The following SCLT1 variants were observed in gnomAD, a reference collection of about 807,000 sequenced individuals.
SCLT1 encodes sodium channel-associated protein 1.
SCLT1 carries 78 observed loss-of-function variants against 112.8 expected under a neutral mutation model. That is an observed-to-expected ratio of 0.69 (90% CI 0.58 to 0.83). The LOEUF (loss-of-function observed/expected upper bound fraction) is 0.83, where lower values mean the gene tolerates loss of function less well. Ranked by LOEUF, SCLT1 falls within the 40% of genes least tolerant of loss-of-function variation. SCLT1 has a pLI of 0.00. For missense variants in SCLT1, 747 were observed against 770.4 expected (o/e 0.97, Z 0.36); for synonymous variants, 257 against 254.7 (o/e 1.01, Z -0.09).
At chr4:128,928,118 C>T (rs919192419) in intron 18 of SCLT1, among the ~76,000 whole-genome samples, 29 of 151,824 alleles carry the variant, frequency 1.9e-4, no homozygotes, top group Non-Finnish European at 2.9e-5. Context: ...AAAAACACTC[C>T]TACAAAAACC....
intron 13 of SCLT1, among the ~76,000 whole-genome samples, chr4:128,953,597 A>G (rs527650784): frequency 6.6e-6 from 1 of 152,184 alleles, no homozygotes; most frequent in East Asian, 1.9e-4. Context: ...GACCGAGACC[A>G]TTCTGGCTAA....
chr4:128,948,952 T>C (rs973203626), intron 14 of SCLT1, among the ~76,000 whole-genome samples: 6 of 152,134 alleles, frequency 3.9e-5, no homozygotes, highest in Middle Eastern at 3.2e-3. Context: ...GCCTAAAGGA[T>C]ATGTGGGTGT....
intron 2 of SCLT1, among the ~76,000 whole-genome samples, chr4:129,078,995 C>T (rs1396647294): frequency 6.6e-6 from 1 of 152,036 alleles, no homozygotes; most frequent in Non-Finnish European, 1.5e-5. Context: ...GAGGTACTAC[C>T]CATTTATAAG....
At chr4:128,957,842 G>T (rs1329898151) in intron 12 of SCLT1, among the ~76,000 whole-genome samples, 3 of 151,878 alleles carry the variant, frequency 2.0e-5, no homozygotes, top group Admixed American at 2.0e-4. Context: ...TCTCCTTGTT[G>T]TACTTTCTGC....
chr4:128,888,845 CG>C, intron 19 of SCLT1, 71 bp from the exon 20 acceptor site: 2 of 858,668 alleles, frequency 2.3e-6, no homozygotes, highest in Non-Finnish European at 3.7e-6. Context: ...GAATAATCAA[CG>C]AAAAATCTGG....
chr4:128,984,498 C>T (rs1000722449), intron 9 of SCLT1, among the ~76,000 whole-genome samples: 1 of 152,116 alleles, frequency 6.6e-6, no homozygotes, highest in Admixed American at 6.5e-5. Context: ...TACCTTCTAG[C>T]AATAAAATTT....
In SCLT1 at chr4:128,965,081, C is replaced by T. The variant is rs962270353; in HGVS notation, c.869+146G>A. ...GAATATAGTTTTTAATAAACAATGTCGATTAAATCAGATTTTACACCTATG... is the reference window on the plus strand; with the variant it reads ...GAATATAGTTTTTAATAAACAATGTTGATTAAATCAGATTTTACACCTATG... On this transcript the variant is annotated intron_variant, in intron 11 of 20. Transcript: ENST00000281142. The T allele has an allele frequency of 6.3e-5, 34 of 538,380 alleles. No homozygotes were observed. In the South Asian group the frequency reaches 9.2e-4, roughly 15 times the overall value. 33.4% of individuals were successfully genotyped at this position (538,380 alleles called of 1,614,324 possible).
chr4:129,059,198 C>A (rs1749728675), intron 2 of SCLT1, among the ~76,000 whole-genome samples: 1 of 152,122 alleles, frequency 6.6e-6, no homozygotes, highest in Non-Finnish European at 1.5e-5. Flanking sequence ...TTGTTGTAGG[C>A]AGCATATAAC....
downstream of SCLT1, among the ~76,000 whole-genome samples, chr4:128,879,009 A>C (rs1265054573): frequency 2.0e-5 from 3 of 152,100 alleles, no homozygotes; most frequent in Non-Finnish European, 2.9e-5. Flanking sequence ...GGATAGCATC[A>C]GGAGATATAA....
intron 5 of SCLT1, among the ~76,000 whole-genome samples, chr4:129,025,447 C>T (rs1241524698): frequency 6.6e-6 from 1 of 152,096 alleles, no homozygotes; most frequent in Non-Finnish European, 1.5e-5. Flanking sequence ...TCCAGCCAAA[C>T]TAAGCTTCAT....
chr4:129,057,350 T>C (rs940216640), intron 2 of SCLT1, among the ~76,000 whole-genome samples: 1 of 152,028 alleles, frequency 6.6e-6, no homozygotes, highest in Admixed American at 6.6e-5. Context: ...TGGGATACAT[T>C]TGGAAGAATC....
At chr4:129,077,266 T>C (rs1397443823) in intron 2 of SCLT1, among the ~76,000 whole-genome samples, 1 of 152,252 alleles carries the variant, frequency 6.6e-6, no homozygotes, top group Non-Finnish European at 1.5e-5. Context: ...CAGCTTAAAA[T>C]ACAAGAAATA....
Position 128,977,526 on chromosome 4 carries a change from T to C in SCLT1, c.687-7058A>G, listed in dbSNP as rs535494186. Among the ~76,000 whole-genome samples the C allele has an allele frequency of 2.6e-5, 4 of 152,154 alleles. No individual in the cohort carries two copies. In the South Asian group the frequency reaches 6.2e-4, roughly 24 times the overall value. On this transcript the variant is annotated intron_variant, in intron 9 of 20. Transcript: ENST00000281142. ...ATCAGGTAATTAAAGAAAGTGACAA[T>C]GTTACAAAGAAGATGATACAGGGAA... is the stretch of plus-strand genomic sequence containing the variant.
chr4:129,061,171 T>C (rs907090553), intron 2 of SCLT1, among the ~76,000 whole-genome samples: 5 of 152,226 alleles, frequency 3.3e-5, no homozygotes, highest in Non-Finnish European at 5.9e-5. Context: ...GTGGTGACTA[T>C]AGACCCTAGG....
chr4:128,975,290 C>T lies in SCLT1; in HGVS notation c.687-4822G>A, dbSNP rs974080239. ...TGCTGACCTCATGGTCCGCCTGCCTCGGCCTCGCAGACTGCTGGGATTACA... is the reference window on the plus strand; with the variant it reads ...TGCTGACCTCATGGTCCGCCTGCCTTGGCCTCGCAGACTGCTGGGATTACA... On this transcript the variant is annotated intron_variant, in intron 9 of 20. Transcript: ENST00000281142. Among the ~76,000 whole-genome samples, 5 of 151,990 alleles carry T rather than the reference C, an allele frequency of 3.3e-5. No individual in the cohort carries two copies. The East Asian group carries it at 5.8e-4, about 18-fold the overall frequency.
At chr4:128,899,059 G>A (rs1207898030) in intron 18 of SCLT1, among the ~76,000 whole-genome samples, 1 of 152,104 alleles carries the variant, frequency 6.6e-6, no homozygotes, top group Non-Finnish European at 1.5e-5. Flanking sequence ...AAAAGTCCAG[G>A]ACCAGATGGA....
intron 4 of SCLT1, among the ~76,000 whole-genome samples, chr4:129,040,432 T>G (rs1747598858): frequency 6.6e-6 from 1 of 152,122 alleles, no homozygotes; most frequent in African/African-American, 2.4e-5. Context: ...TCTCCTAAGG[T>G]GGAGTGTGAG....
intron 18 of SCLT1, among the ~76,000 whole-genome samples, chr4:128,921,768 A>G (rs976882376): frequency 3.3e-5 from 5 of 152,196 alleles, no homozygotes; most frequent in South Asian, 2.1e-4. Flanking sequence ...TCCAAGACCA[A>G]TTGCAACAAA....
downstream of SCLT1, among the ~76,000 whole-genome samples, chr4:128,879,125 T>TAAA (rs537003032): frequency 2.8e-5 from 4 of 143,148 alleles, no homozygotes; most frequent in African/African-American, 1.0e-4. Flanking sequence ...CTTAAAGTAT[T>TAAA]AAAAAAAAAA....
Sources: allele counts gnomAD v4.1 joint callset (sites outside exome capture counted in the v4.1 genomes callset), GRCh38; gene constraint gnomAD v4.1.1; transcripts MANE v1.5; gene names NCBI Gene and HGNC (gene_info 2026-07-23, HGNC 2026-07-21).